NBAS: variants seen among roughly 807,000 people sequenced by gnomAD.
The protein encoded by NBAS is NAG/BC035112 fusion.
Under a neutral mutation model 302.5 loss-of-function variants are expected in NBAS, and 219 were observed. The observed-to-expected ratio is 0.72, with a 90% CI of 0.65 to 0.81. NBAS has a LOEUF of 0.81. Ranked by LOEUF, NBAS falls within the 30% of genes least tolerant of loss-of-function variation. The pLI, the probability that NBAS is intolerant of heterozygous loss-of-function variation, is 0.00. For missense variants in NBAS, 2,932 were observed against 2,841.6 expected, an observed-to-expected ratio of 1.03 and a Z score of -0.72; for synonymous variants, 1,118 against 1,021.6, an observed-to-expected ratio of 1.09 and a Z score of -1.80.
At chr2:14,953,867 A>G in the NBAS span, among the ~76,000 whole-genome samples, 1 of 152,206 alleles carries the variant, frequency 6.6e-6, no homozygotes, top group Non-Finnish European at 1.5e-5. Flanking sequence ...GATGCCTCAG[A>G]AGATATAACC....
chr2:15,261,696 C>CT, intron 44 of NBAS, among the ~76,000 whole-genome samples: 1 of 152,194 alleles, frequency 6.6e-6, no homozygotes, highest in South Asian at 2.1e-4. Flanking sequence ...TGAAGGTCAC[C>CT]TTTATCTTCA....
the NBAS span, among the ~76,000 whole-genome samples, chr2:15,026,462 CAAAAAAAAAAAAAAA>C: frequency 4.4e-4 from 2 of 4,534 alleles, 1 homozygote; most frequent in African/African-American, 3.7e-3. Context: ...GACTCCGTCT[CAAAAAAAAAAAAAAA>C]AAAAAAAAAA....
the NBAS span, among the ~76,000 whole-genome samples, chr2:15,145,634 G>A: frequency 6.6e-6 from 1 of 152,020 alleles, no homozygotes; most frequent in Non-Finnish European, 1.5e-5. Flanking sequence ...AGACCACTGG[G>A]CACTGAGTCA....
Position 15,287,167 on chromosome 2 carries a change from C to T in NBAS, c.5044G>A (p.Val1682Ile), listed in dbSNP as rs371029230. 4.8e-5 allele frequency: 78 copies of T among 1,613,718 alleles called. No homozygotes were observed. Among genetic ancestry groups the T allele is most frequent in the Middle Eastern group, 1.6e-4 (1 of 6,082 alleles). The change falls in exon 42 of 52, where the codon GTC becomes ATC. Residue 1682 changes from valine to isoleucine, a missense_variant. By Grantham distance (29) the Val-to-Ile change is conservative (BLOSUM62 3). Transcript: ENST00000281513. ...LGLAETLEES[V>I]YSIAISLAQR... ...GCCAGAGAAATAGCAATGCTGTAGACGCTTTCCTCTAGAGTTCTGCAGAAA... is the reference window on the plus strand; with the variant it reads ...GCCAGAGAAATAGCAATGCTGTAGATGCTTTCCTCTAGAGTTCTGCAGAAA...
intron 7 of NBAS, chr2:15,538,335 T>G (rs762390973): frequency 4.1e-6 from 2 of 483,754 alleles, no homozygotes; most frequent in African/African-American, 3.9e-5. Context: ...TCCCAGAATA[T>G]GAGCACAACA....
At chr2:15,322,102 G>A (rs1671835977) in intron 38 of NBAS, among the ~76,000 whole-genome samples, 1 of 152,088 alleles carries the variant, frequency 6.6e-6, no homozygotes, top group African/African-American at 2.4e-5. Flanking sequence ...CATGGATGAA[G>A]CTGGAAGCCA....
chr2:15,186,085 TACACACACAC>T (rs80317869), intron 50 of NBAS, among the ~76,000 whole-genome samples: 12 of 147,250 alleles, frequency 8.1e-5, no homozygotes, highest in African/African-American at 2.5e-4. Flanking sequence ...CATATATATA[TACACACACAC>T]ACACACACAC....
chr2:15,173,413 G>T (rs1309785583), intron 51 of NBAS, among the ~76,000 whole-genome samples: 1 of 152,188 alleles, frequency 6.6e-6, no homozygotes, highest in Middle Eastern at 3.4e-3. Context: ...TTGCTTTCAA[G>T]ATTATTTAAT....
chr2:15,552,435 T>A (rs1188786000), intron 5 of NBAS, among the ~76,000 whole-genome samples: 1 of 152,150 alleles, frequency 6.6e-6, no homozygotes, highest in East Asian at 1.9e-4. Context: ...CTCCTCCTCC[T>A]CCTCAGCCCA....
Position 15,167,039 on chromosome 2 carries a change from A to ATCTC in NBAS, c.*8_*9insGAGA. On this transcript the variant is annotated 3_prime_UTR_variant, in exon 52 of 52. Coordinates refer to ENST00000281513, the MANE Select transcript of NBAS (RefSeq NM_015909.4). ...TTTTTCTGCTAAGGAGCAGGGCCAC[A>ATCTC]GGTGGCCCTCACACCCAGTGCTGTG... 6.5e-7 allele frequency: 1 copy of ATCTC among 1,533,224 alleles called. No homozygotes were observed. 95.0% of individuals were successfully genotyped at this position (1,533,224 alleles called of 1,614,324 possible). A position where few individuals can be genotyped will look rare whatever the true frequency, so the allele number is the denominator to read the frequency against.
intron 38 of NBAS, among the ~76,000 whole-genome samples, chr2:15,313,506 G>A (rs1371986631): frequency 1.3e-5 from 2 of 152,196 alleles, no homozygotes; most frequent in Non-Finnish European, 2.9e-5. Flanking sequence ...TTCTTGATCA[G>A]TACCTATCAG....
the NBAS span, among the ~76,000 whole-genome samples, chr2:14,907,889 C>T: frequency 6.6e-6 from 1 of 152,196 alleles, no homozygotes. Flanking sequence ...ATCTATGAAA[C>T]AGGAGGGGGA....
At chr2:15,041,625 T>C in the NBAS span, among the ~76,000 whole-genome samples, 2 of 152,198 alleles carry the variant, frequency 1.3e-5, no homozygotes, top group Non-Finnish European at 2.9e-5. Flanking sequence ...GGGCAGGCTA[T>C]CCAGTGCTGG....
the NBAS span, among the ~76,000 whole-genome samples, chr2:15,124,582 A>G: frequency 6.6e-6 from 1 of 152,210 alleles, no homozygotes; most frequent in Admixed American, 6.5e-5. Flanking sequence ...AGCTCCTCCC[A>G]TCACAAGTCC....
chr2:15,524,201 A>G (rs13004154), intron 9 of NBAS, among the ~76,000 whole-genome samples: 80,314 of 152,128 alleles, frequency 0.53, 23,878 homozygotes, highest in Non-Finnish European at 0.67. Flanking sequence ...CTGTGCATGT[A>G]AAACGTAAAG....
chr2:15,395,188 T>A (rs3805105), intron 27 of NBAS, among the ~76,000 whole-genome samples: 96,997 of 151,898 alleles, frequency 0.64, 31,700 homozygotes, highest in Middle Eastern at 0.69. Context: ...TGATGGCATA[T>A]TAAAACTACC....
chr2:15,300,585 T>C (rs1670752634), intron 40 of NBAS, among the ~76,000 whole-genome samples: 1 of 152,218 alleles, frequency 6.6e-6, no homozygotes, highest in Non-Finnish European at 1.5e-5. Flanking sequence ...CAAGCTGTCC[T>C]GACATGCAGC....
intron 35 of NBAS, among the ~76,000 whole-genome samples, chr2:15,349,238 A>T (rs1408277004): frequency 6.6e-6 from 1 of 152,214 alleles, no homozygotes; most frequent in African/African-American, 2.4e-5. Context: ...AACTTCAGAT[A>T]AAGATCTCAT....
At chr2:15,025,958 C>T in the NBAS span, among the ~76,000 whole-genome samples, 7 of 152,208 alleles carry the variant, frequency 4.6e-5, no homozygotes, top group African/African-American at 1.4e-4. Flanking sequence ...ATTTTATTTC[C>T]TTCTCTTGCC....
Sources: gnomAD v4.1 joint callset for allele counts (sites outside exome capture counted in the v4.1 genomes callset) on GRCh38, gnomAD v4.1.1 for gene constraint, MANE v1.5 for transcripts, NCBI Gene and HGNC (gene_info 2026-07-23, HGNC 2026-07-21) for gene names.